The following PTH2 variants were observed in gnomAD, a reference collection of about 807,000 sequenced individuals.
The protein encoded by PTH2 is tuberoinfundibular 39 residue protein.
A neutral mutation model predicts 6.2 loss-of-function variants in PTH2; 5 were observed. The ratio of observed to expected loss-of-function variants is 0.80; its 90% CI spans 0.42 to 1.69. The LOEUF is 1.69. PTH2 is among the 40% of genes most tolerant of loss of function. The pLI is 0.02. For missense variants in PTH2, 156 were observed against 142.5 expected (o/e 1.09, Z -0.48); for synonymous variants, 67 against 73.6 (o/e 0.91, Z 0.46).
rs192952611 is a variant in PTH2, at chr19:49,422,596, G to T, written c.175C>A (p.Pro59Thr). The change falls in exon 2 of 2, where the codon CCG becomes ACG. Residue 59 changes from proline (P) to threonine (T), a missense_variant. Transcript: ENST00000270631. ...TCCGCCAGCGCCAGGCTCCTCCGCG[G>T]CCTGGGGGTGGCGGGATCCGCCCAG... ...RAWADPATPR[P>T]RRSLALADDA... 847 of 1,515,258 alleles carry T rather than the reference G, an allele frequency of 5.6e-4. No individual in the cohort carries two copies. The highest frequency in any genetic ancestry group is 7.1e-4 in the Non-Finnish European group (803 of 1,137,872). The allele number at this position is 1,515,258 out of a possible 1,614,324, so 93.9% of individuals were successfully genotyped here.
At position 49,423,266 on chromosome 19, in the gene PTH2, G is replaced by C; in HGVS notation, c.74C>G (p.Pro25Arg). ...LLLLLLLLVV[P>R]WGVRTASGVA... The stretch of plus-strand genomic sequence containing the variant: ...TCCCGAGGCAGTGCGGACGCCCCAG[G>C]GCACCACCAGCAGCAGCAGCAGCAG... The change falls in exon 1 of 2, where the codon CCC becomes CGC. Residue 25 changes from proline to arginine, a missense_variant. Coordinates refer to ENST00000270631, the MANE Select transcript of PTH2 (RefSeq NM_178449.4). 1 of 1,613,154 alleles carries C rather than the reference G, an allele frequency of 6.2e-7. No individual in the cohort carries two copies. Among genetic ancestry groups the C allele is most frequent in the Non-Finnish European group, 8.5e-7 (1 of 1,179,730 alleles).
At position 49,422,611 on chromosome 19, in the gene PTH2, G is replaced by T. The variant is rs1450275353; in HGVS notation, c.160C>A (p.Pro54Thr). The T allele has an allele frequency of 6.8e-7, 1 of 1,478,466 alleles. No individual in the cohort carries two copies. Among genetic ancestry groups the T allele is most frequent in the African/African-American group, 1.5e-5 (1 of 68,220 alleles). The allele number at this position is 1,478,466 out of a possible 1,614,324, so 91.6% of individuals were successfully genotyped here. The change falls in exon 2 of 2, where the codon CCC (proline) becomes ACC (threonine). Residue 54 changes from proline to threonine, a missense_variant. By Grantham distance (38) the Pro-to-Thr change is conservative (BLOSUM62 -1). Transcript: ENST00000270631. ...LRPPGRAWAD[P>T]ATPRPRRSLA... The stretch of plus-strand genomic sequence containing the variant: ...CTCCTCCGCGGCCTGGGGGTGGCGG[G>T]ATCCGCCCAGGCCCGTCCTGGGGGG...
Position 49,422,465 on chromosome 19 carries a change from C to A in PTH2, c.*3G>T, listed in dbSNP as rs1434364596. Reference sequence around the variant, plus strand: ...TTTATTAAGATGGGGACGGGCAGCGCGCTCAGGGCGCATCCAACACCAGCA... The same window carrying A: ...TTTATTAAGATGGGGACGGGCAGCGAGCTCAGGGCGCATCCAACACCAGCA... On this transcript the variant is annotated 3_prime_UTR_variant, in exon 2 of 2. Transcript: ENST00000270631. 2.5e-6 allele frequency: 4 copies of A among 1,590,650 alleles called. No homozygotes were observed. Among genetic ancestry groups the A allele is most frequent in the African/African-American group, 2.8e-5 (2 of 71,420 alleles).
chr19:49,423,076 T>C, intron 1 of PTH2, 136 bp downstream of exon 1: 1 of 1,139,086 alleles, frequency 8.8e-7, no homozygotes, highest in Non-Finnish European at 1.2e-6. Context: ...AGTCTCTGTC[T>C]TCTCGCTGGG....
chr19:49,423,063 C>G (rs1975034706), intron 1 of PTH2, 149 bp downstream of exon 1: 8 of 994,100 alleles, frequency 8.0e-6, no homozygotes, highest in South Asian at 3.4e-5. Flanking sequence ...TTCCCCCACC[C>G]CTAGTCTCTG....
At chr19:49,423,096 C>G in intron 1 of PTH2, 116 bp downstream of exon 1, 1 of 1,354,136 alleles carries the variant, frequency 7.4e-7, no homozygotes, top group Non-Finnish European at 1.0e-6. Context: ...GTCTCGGTCG[C>G]CCTCTCTTTG....
chr19:49,423,078 C>T, intron 1 of PTH2, 134 bp downstream of exon 1: 1 of 1,153,310 alleles, frequency 8.7e-7, no homozygotes, highest in Non-Finnish European at 1.2e-6. Flanking sequence ...TCTCTGTCTT[C>T]TCGCTGGGTC....
chr19:49,422,737 C>T (rs1021455599), intron 1 of PTH2, 95 bp from the exon 2 acceptor site: 2 of 1,154,726 alleles, frequency 1.7e-6, no homozygotes, highest in African/African-American at 1.7e-5. Context: ...CTGCCCAGTC[C>T]GTGGAGTGGC....
Position 49,423,227 on chromosome 19 carries a change from G to A in PTH2, c.113C>T (p.Pro38Leu), listed in dbSNP as rs772507854. 4.3e-6 allele frequency: 7 copies of A among 1,613,354 alleles called. No homozygotes were observed. The African/African-American group carries it at 6.7e-5, about 15-fold the overall frequency. ...VRTASGVALP[P>L]VGVLSLRPPG... ...TGGCACCTACCTGAGGACCCCGACC[G>A]GGGGCAGGGCGACTCCCGAGGCAGT... is the stretch of plus-strand genomic sequence containing the variant. Residue 38 changes from proline to leucine, a missense_variant, in exon 1 of 2, where the codon CCG (proline) becomes CTG (leucine). Physicochemically the swap from Pro to Leu is moderately conservative, Grantham distance 98. Coordinates refer to ENST00000270631, the MANE Select transcript of PTH2 (RefSeq NM_178449.4).
At position 49,422,551 on chromosome 19, in the gene PTH2, G is replaced by A. The variant is rs1351040747; in HGVS notation, c.220C>T (p.Arg74Cys). 1.9e-6 allele frequency: 3 copies of A among 1,593,798 alleles called. No homozygotes were observed. Among genetic ancestry groups the A allele is most frequent in the Non-Finnish European group, 2.6e-6 (3 of 1,172,578 alleles). ...TCGAGGGCGGCCAGCAACCGCGCGC[G>A]CTCCCGGAAGGCCGCGTCGTCCGCC... The part of the protein sequence containing the change: ...ALADDAAFRE[R>C]ARLLAALERR... The change falls in exon 2 of 2, where the codon CGC (arginine) becomes TGC (cysteine). Residue 74 changes from arginine (R) to cysteine (C), a missense_variant. Physicochemically the swap from Arg to Cys is radical, Grantham distance 180. Transcript: ENST00000270631.
At position 49,423,396 on chromosome 19, in the gene PTH2, G is replaced by A. The variant is rs189389378; in HGVS notation, c.-57C>T. ...GGGCTGCATCCCGGCCCAGAACCCC[G>A]GGCCCCACCATGCATCCACCCCCAG... On this transcript the variant is annotated 5_prime_UTR_variant, in exon 1 of 2. Coordinates refer to ENST00000270631, the MANE Select transcript of PTH2 (RefSeq NM_178449.4). The A allele has an allele frequency of 5.9e-6, 9 of 1,528,332 alleles. No homozygotes were observed. Among genetic ancestry groups the A allele is most frequent in the Non-Finnish European group, 6.1e-6 (7 of 1,139,360 alleles). The allele number at this position is 1,528,332 out of a possible 1,614,324, so 94.7% of individuals were successfully genotyped here.
At chr19:49,422,709 T>G in intron 1 of PTH2, 67 bp from the exon 2 acceptor site, 3 of 1,339,368 alleles carry the variant, frequency 2.2e-6, no homozygotes, top group Non-Finnish European at 2.9e-6. Context: ...CCCCGCGGTC[T>G]AACTCGAAGC....
At position 49,423,387 on chromosome 19, in the gene PTH2, C is replaced by T; in HGVS notation, c.-48G>A. 6.5e-7 allele frequency: 1 copy of T among 1,536,502 alleles called. No homozygotes were observed. The highest frequency in any genetic ancestry group is 8.7e-7 in the Non-Finnish European group (1 of 1,143,232). ...GGCTCAGTAGGGCTGCATCCCGGCCCAGAACCCCGGGCCCCACCATGCATC... is the reference window on the plus strand; with the variant it reads ...GGCTCAGTAGGGCTGCATCCCGGCCTAGAACCCCGGGCCCCACCATGCATC... On this transcript the variant is annotated 5_prime_UTR_variant, in exon 1 of 2. Transcript: ENST00000270631.
At chr19:49,422,852 G>C (rs1975032081) in intron 1 of PTH2, among the ~76,000 whole-genome samples, 1 of 152,136 alleles carries the variant, frequency 6.6e-6, no homozygotes, top group Admixed American at 6.5e-5. Flanking sequence ...TGATGCACTT[G>C]TCCGCCCACA....
intron 1 of PTH2, 79 bp downstream of exon 1, chr19:49,423,133 C>T (rs1975035196): frequency 6.5e-7 from 1 of 1,536,836 alleles, no homozygotes; most frequent in Non-Finnish European, 8.8e-7. Flanking sequence ...TCTGGATCTT[C>T]CGTCCCCTTT....
chr19:49,422,565 G>T lies in PTH2; in HGVS notation c.206C>A (p.Ala69Glu), dbSNP rs372839754. ...CAACCGCGCGCGCTCCCGGAAGGCC[G>T]CGTCGTCCGCCAGCGCCAGGCTCCT... ...PRRSLALADDAAFRERARLLA... is the reference protein window; with the variant it reads ...PRRSLALADDEAFRERARLLA... Residue 69 changes from alanine to glutamate, a missense_variant, in exon 2 of 2, where the codon GCG becomes GAG. Transcript: ENST00000270631. 11 of 1,589,800 alleles carry T rather than the reference G, an allele frequency of 6.9e-6. No homozygotes were observed. The highest frequency in any genetic ancestry group is 8.5e-6 in the Non-Finnish European group (10 of 1,170,990).
intron 1 of PTH2, 94 bp downstream of exon 1, chr19:49,423,118 C>A: frequency 2.0e-6 from 3 of 1,499,954 alleles, no homozygotes; most frequent in Non-Finnish European, 2.7e-6. Context: ...GCTTCTGTTC[C>A]GCTTTCTGGA....
At chr19:49,423,140 C>A (rs1975035297) in intron 1 of PTH2, 72 bp downstream of exon 1, 2 of 1,555,936 alleles carry the variant, frequency 1.3e-6, no homozygotes, top group East Asian at 4.6e-5. Flanking sequence ...CTTCCGTCCC[C>A]TTTCTCTTTG....
In PTH2 at chr19:49,422,550, C is replaced by G; in HGVS notation, c.221G>C (p.Arg74Pro). Residue 74 changes from arginine to proline, a missense_variant, in exon 2 of 2, where the codon CGC becomes CCC. Transcript: ENST00000270631. ...ALADDAAFRE[R>P]ARLLAALERR... Reference sequence around the variant, plus strand: ...CTCGAGGGCGGCCAGCAACCGCGCGCGCTCCCGGAAGGCCGCGTCGTCCGC... The same window carrying G: ...CTCGAGGGCGGCCAGCAACCGCGCGGGCTCCCGGAAGGCCGCGTCGTCCGC... The G allele has an allele frequency of 1.3e-6, 2 of 1,594,322 alleles. No individual in the cohort carries two copies. The highest frequency in any genetic ancestry group is 1.7e-6 in the Non-Finnish European group (2 of 1,172,776).
Sources: gnomAD v4.1 joint callset for allele counts (sites outside exome capture counted in the v4.1 genomes callset) on GRCh38, gnomAD v4.1.1 for gene constraint, MANE v1.5 for transcripts, NCBI Gene and HGNC (gene_info 2026-07-23, HGNC 2026-07-21) for gene names.